SPOCD1: variants seen among roughly 807,000 people sequenced by gnomAD.
SPOCD1 encodes the protein SPOC domain-containing protein 1.
A neutral mutation model predicts 92.2 loss-of-function variants in SPOCD1; 64 were observed. The ratio of observed to expected loss-of-function variants is 0.69; its 90% confidence interval spans 0.57 to 0.86. The LOEUF is 0.86. Ranked by LOEUF, SPOCD1 falls within the 40% of genes least tolerant of loss-of-function variation. The pLI, the probability that SPOCD1 is intolerant of heterozygous loss-of-function variation, is 0.00. For synonymous variants in SPOCD1, 578 were observed against 619.3 expected (o/e 0.93, Z 0.99); for missense variants, 1,360 against 1,543.1 (o/e 0.88, Z 1.99).
At position 31,798,587 on chromosome 1, in the gene SPOCD1, GGGAGCTCCCGAAGGCTGT is replaced by G. The variant is rs767146196; in HGVS notation, c.1869-4_1882del. 32 of 1,612,940 alleles carry G rather than the reference GGGAGCTCCCGAAGGCTGT, an allele frequency of 2.0e-5. No homozygotes were observed. Among genetic ancestry groups the G allele is most frequent in the Non-Finnish European group, 2.5e-5 (29 of 1,179,804 alleles). On this transcript the variant is annotated splice_acceptor_variant and splice_polypyrimidine_tract_variant and coding_sequence_variant and intron_variant, in exon 8 of 16. Transcript: ENST00000360482. LOFTEE classifies it high-confidence loss of function. The surrounding 1 kb of genome is among the most constrained non-coding windows in gnomAD (Gnocchi z 4.1). ...CACCTCCTCACTCAGCACTGGGTCT[GGGAGCTCCCGAAGGCTGT>G]GGAGGCCAGGGCAGGGCGGGGGCAC...
At chr1:31,807,653 T>C (rs950307274) in intron 2 of SPOCD1, among the ~76,000 whole-genome samples, 6 of 151,762 alleles carry the variant, frequency 4.0e-5, no homozygotes, top group African/African-American at 1.5e-4. Flanking sequence ...TTATAAATAG[T>C]AGCATAAACT....
rs1166371294 is a variant in SPOCD1, at chr1:31,814,478, C to G, written c.856G>C (p.Gly286Arg). The change falls in exon 2 of 16, where the codon GGA becomes CGA. Residue 286 changes from glycine (G) to arginine (R), a missense_variant. Gly to Arg is a moderately radical substitution (Grantham distance 125, BLOSUM62 -2). Transcript: ENST00000360482. This position sits in a 1 kb window ranked among gnomAD's most constrained non-coding sequence, Gnocchi z 4.2. ...AGCASGTEKF[G>R]YLPATGDGPQ... ...CCATCCCCTGTAGCGGGCAAATATC[C>G]AAATTTCTCAGTCCCTGAGGCACAT... 2.5e-6 allele frequency: 4 copies of G among 1,572,092 alleles called. No individual in the cohort carries two copies. The highest frequency in any genetic ancestry group is 3.5e-6 in the Non-Finnish European group (4 of 1,156,576).
intron 9 of SPOCD1, among the ~76,000 whole-genome samples, chr1:31,797,052 C>T (rs946482816): frequency 3.3e-5 from 5 of 152,140 alleles, no homozygotes; most frequent in African/African-American, 1.2e-4. Flanking sequence ...TCCCACTGGG[C>T]CATTAATAAA....
intron 10 of SPOCD1, chr1:31,796,154 G>T (rs1648001582): frequency 7.1e-6 from 2 of 279,906 alleles, no homozygotes; most frequent in Non-Finnish European, 1.4e-5. Context: ...TGGATGGACT[G>T]CCAGGGTGCC....
chr1:31,812,366 C>A (rs915510862), intron 2 of SPOCD1, among the ~76,000 whole-genome samples: 4 of 152,112 alleles, frequency 2.6e-5, no homozygotes, highest in African/African-American at 9.7e-5. Flanking sequence ...CCTGTGCCTG[C>A]GACAAATACA....
Position 31,790,874 on chromosome 1 carries a change from GCTA to G in SPOCD1, c.3377_3379del (p.Val1126del). ...ACGGCCAAAGCCATGACCAGCTGGT[GCTA>G]CTGAATAGGGATGCTGGGACTGGCG... On this transcript the variant is annotated inframe_deletion, in exon 16 of 16. Transcript: ENST00000360482. 5 of 1,577,702 alleles carry G rather than the reference GCTA, an allele frequency of 3.2e-6. No individual in the cohort carries two copies. The highest frequency in any genetic ancestry group is 2.6e-6 in the Non-Finnish European group (3 of 1,162,008).
Position 31,796,680 on chromosome 1 carries a change from C to T in SPOCD1, c.2181G>A (p.Pro727=), listed in dbSNP as rs146160927. 15 of 1,614,106 alleles carry T rather than the reference C, an allele frequency of 9.3e-6. No individual in the cohort carries two copies. The highest frequency in any genetic ancestry group is 4.4e-5 in the South Asian group (4 of 91,086). ...TCATTTTGGAGGCTGGAAGTCTGCA[C>T]GGCTCCTTCTGTTGCTGCTCAATGA... ...LNIIEQQQKE[P]CRLPASKMTH... is the part of the protein sequence containing the mutation. The change falls in exon 10 of 16, where the codon CCG becomes CCA. Residue 727 remains proline (P), a synonymous_variant. Transcript: ENST00000360482.
At chr1:31,794,842 T>TG (rs1257368616) in intron 10 of SPOCD1, 2 of 152,204 alleles carry the variant, frequency 1.3e-5, no homozygotes, top group African/African-American at 4.8e-5. Context: ...ACACAGGGTT[T>TG]GGGGGTCCTT....
chr1:31,799,444 G>A lies in SPOCD1; in HGVS notation c.1825C>T (p.Arg609Trp), dbSNP rs370414157. Residue 609 changes from arginine to tryptophan, a missense_variant, in exon 7 of 16, where the codon CGG becomes TGG. Arg to Trp is a moderately radical substitution (Grantham distance 101). This residue lies in a region of SPOCD1 where 606 missense variants were observed against 601.5 expected (regional missense o/e 1.01). Transcript: ENST00000360482. The stretch of plus-strand genomic sequence containing the variant: ...TGCATGGAACGGACAACAGTGCCCC[G>A]CACCCCAATATACAGGGATGGCTTC... ...QEKPSLYIGV[R>W]GTVVRSMQEV... is the part of the protein sequence containing the mutation. The A allele has an allele frequency of 3.7e-6, 6 of 1,611,756 alleles. 1 individual carries two copies. The highest frequency in any genetic ancestry group is 3.4e-6 in the Non-Finnish European group (4 of 1,179,136).
chr1:31,793,439 G>A lies in SPOCD1; in HGVS notation c.2535-11C>T. The stretch of plus-strand genomic sequence containing the variant: ...CCAGATGGAGGGACCCTAGAGGGAG[G>A]GACAGAAGACAGGGCCAGACAGAGC... On this transcript the variant is annotated splice_polypyrimidine_tract_variant and intron_variant, in intron 12 of 15. Coordinates refer to ENST00000360482, the MANE Select transcript of SPOCD1 (RefSeq NM_144569.7). 1.3e-6 allele frequency: 2 copies of A among 1,583,010 alleles called. No individual in the cohort carries two copies. Among genetic ancestry groups the A allele is most frequent in the Admixed American group, 3.6e-5 (2 of 55,064 alleles).
intron 9 of SPOCD1, among the ~76,000 whole-genome samples, chr1:31,797,393 C>A (rs990985731): frequency 6.6e-6 from 1 of 152,230 alleles, no homozygotes; most frequent in African/African-American, 2.4e-5. Flanking sequence ...CTTGGTTTAG[C>A]GCTCTGTTGT....
chr1:31,804,243 C>T (rs976353927), intron 2 of SPOCD1, among the ~76,000 whole-genome samples: 3 of 151,976 alleles, frequency 2.0e-5, no homozygotes, highest in Non-Finnish European at 4.4e-5. Context: ...TTATCTCCCC[C>T]ATTTTACAAA....
Position 31,791,172 on chromosome 1 carries a change from G to T in SPOCD1, c.3082C>A (p.Pro1028Thr), listed in dbSNP as rs771198465. ...EGLPDTAGSSPWLGKVQKMVS... is the reference protein window; with the variant it reads ...EGLPDTAGSSTWLGKVQKMVS... ...ATCTTTTGAACCTTCCCCAACCAGG[G>T]GCTGGACCCTGCTGTGTCTGGAAGC... is the stretch of plus-strand genomic sequence containing the variant. Residue 1028 changes from proline to threonine, a missense_variant, in exon 16 of 16, where the codon CCC becomes ACC. Coordinates refer to ENST00000360482, the MANE Select transcript of SPOCD1 (RefSeq NM_144569.7). 1 of 1,612,916 alleles carries T rather than the reference G, an allele frequency of 6.2e-7. No individual in the cohort carries two copies. Among genetic ancestry groups the T allele is most frequent in the South Asian group, 1.1e-5 (1 of 90,878 alleles).
At chr1:31,811,909 C>A (rs912204335) in intron 2 of SPOCD1, among the ~76,000 whole-genome samples, 1 of 152,188 alleles carries the variant, frequency 6.6e-6, no homozygotes, top group Non-Finnish European at 1.5e-5. Flanking sequence ...GGCTCCACCA[C>A]CGCACTCAAA....
In SPOCD1 at chr1:31,799,387, G is replaced by A. The variant is rs751963991; in HGVS notation, c.1868+14C>T. The A allele has an allele frequency of 8.7e-6, 14 of 1,600,640 alleles. No homozygotes were observed. Among genetic ancestry groups the A allele is most frequent in the African/African-American group, 1.3e-5 (1 of 74,822 alleles). On this transcript the variant is annotated intron_variant, in intron 7 of 15. Coordinates refer to ENST00000360482, the MANE Select transcript of SPOCD1 (RefSeq NM_144569.7). ...GCCCTTGGGATGTCAGGGGAGTGGG[G>A]AGCAAGGCCTCACCGAGTCCATAGT... is the stretch of plus-strand genomic sequence containing the variant.
chr1:31,815,391 A>T lies in SPOCD1; in HGVS notation c.-39-19T>A. 1 of 1,487,972 alleles carries T rather than the reference A, an allele frequency of 6.7e-7. No homozygotes were observed. The highest frequency in any genetic ancestry group is 9.0e-7 in the Non-Finnish European group (1 of 1,115,006). 92.2% of individuals were successfully genotyped at this position (1,487,972 alleles called of 1,614,324 possible). A position where few individuals can be genotyped will look rare whatever the true frequency, so the allele number is the denominator to read the frequency against. ...ACGGGCCCTGTGTGGAGACAGAAAGAGGAGACTTTGTCTTGGAGAGTCCGA... is the reference window on the plus strand; with the variant it reads ...ACGGGCCCTGTGTGGAGACAGAAAGTGGAGACTTTGTCTTGGAGAGTCCGA... On this transcript the variant is annotated intron_variant, in intron 1 of 15. Coordinates refer to ENST00000360482, the MANE Select transcript of SPOCD1 (RefSeq NM_144569.7).
chr1:31,813,679 C>G (rs1649349201), intron 2 of SPOCD1, among the ~76,000 whole-genome samples: 1 of 152,172 alleles, frequency 6.6e-6, no homozygotes, highest in Non-Finnish European at 1.5e-5. Context: ...AAACATCCCA[C>G]AGTCATTCAG....
Position 31,798,152 on chromosome 1 carries a change from C to A in SPOCD1, c.2145+55G>T. 1.5e-6 allele frequency: 2 copies of A among 1,339,032 alleles called. No individual in the cohort carries two copies. Among genetic ancestry groups the A allele is most frequent in the Non-Finnish European group, 2.2e-6 (2 of 929,870 alleles). 82.9% of individuals were successfully genotyped at this position (1,339,032 alleles called of 1,614,324 possible). A position where few individuals can be genotyped will look rare whatever the true frequency, so the allele number is the denominator to read the frequency against. ...TGTCTCTCCCTCTTCCACTCTCAGGCCACCCACTCTGCCCCTACATCCCCT... is the reference window on the plus strand; with the variant it reads ...TGTCTCTCCCTCTTCCACTCTCAGGACACCCACTCTGCCCCTACATCCCCT... On this transcript the variant is annotated intron_variant, in intron 9 of 15. Coordinates refer to ENST00000360482, the MANE Select transcript of SPOCD1 (RefSeq NM_144569.7). The surrounding 1 kb of genome is among the most constrained non-coding windows in gnomAD (Gnocchi z 4.1).
At chr1:31,800,847 G>T (rs537741585) in intron 3 of SPOCD1, among the ~76,000 whole-genome samples, 1 of 152,332 alleles carries the variant, frequency 6.6e-6, no homozygotes, top group South Asian at 2.1e-4. Context: ...TGTCCCAGGA[G>T]AGGGGCCTGT....
Sources: allele counts gnomAD v4.1 joint callset (sites outside exome capture counted in the v4.1 genomes callset), GRCh38; gene constraint gnomAD v4.1.1; regional missense constraint gnomAD v4.1.1; non-coding constraint Gnocchi (gnomAD v3.1); transcripts MANE v1.5; gene names NCBI Gene and HGNC (gene_info 2026-07-23, HGNC 2026-07-21).